The following VPS13D variants were observed in gnomAD, a reference collection of about 807,000 sequenced individuals.
VPS13D encodes intermembrane lipid transfer protein VPS13D.
Under a neutral mutation model 461.9 loss-of-function variants are expected in VPS13D, and 187 were observed. The ratio of observed to expected loss-of-function variants is 0.40; its 90% CI spans 0.36 to 0.46. The LOEUF (loss-of-function observed/expected upper bound fraction) is 0.46. VPS13D is among the 20% of genes least tolerant of loss of function. The pLI is 0.60. For synonymous variants in VPS13D, 1,951 were observed against 1,986.3 expected, an observed-to-expected ratio of 0.98 and a Z score of 0.47; for missense variants, 4,711 against 5,364.9, an observed-to-expected ratio of 0.88 and a Z score of 3.81.
At chr1:12,412,396 T>C (rs933132147) in intron 63 of VPS13D, among the ~76,000 whole-genome samples, 1 of 152,202 alleles carries the variant, frequency 6.6e-6, no homozygotes, top group African/African-American at 2.4e-5. Context: ...CTTACACTAT[T>C]CGATTTCAGA....
chr1:12,421,636 A>T (rs1644864496), intron 65 of VPS13D, among the ~76,000 whole-genome samples: 2 of 152,238 alleles, frequency 1.3e-5, no homozygotes, highest in Non-Finnish European at 2.9e-5. Flanking sequence ...ACAAAATCTC[A>T]GATATTAACA....
Position 12,299,199 on chromosome 1 carries a change from C to A in VPS13D, c.6034-3C>A, listed in dbSNP as rs758999826. 3 of 1,563,336 alleles carry A rather than the reference C, an allele frequency of 1.9e-6. No individual in the cohort carries two copies. Among genetic ancestry groups the A allele is most frequent in the South Asian group, 2.4e-5 (2 of 81,996 alleles). ...TCTGAGTCAGTTTTCCTTCCTCTTT[C>A]AGGTGAGAGATCAAGCCCAGCGCTG... On this transcript the variant is annotated splice_region_variant and splice_polypyrimidine_tract_variant and intron_variant, in intron 24 of 69. Transcript: ENST00000620676. The surrounding 1 kb of genome is among the most constrained non-coding windows in gnomAD (Gnocchi z 4.2).
chr1:12,266,534 T>C (rs187261480), intron 13 of VPS13D, among the ~76,000 whole-genome samples: 2 of 152,342 alleles, frequency 1.3e-5, no homozygotes, highest in African/African-American at 4.8e-5. Context: ...AGCAATAAAA[T>C]ATTTTAAAAT....
intron 65 of VPS13D, among the ~76,000 whole-genome samples, chr1:12,454,113 T>A (rs914660323): frequency 6.6e-6 from 1 of 152,146 alleles, no homozygotes; most frequent in South Asian, 2.1e-4. Context: ...CCCGAGCCAT[T>A]GTCATGAATG....
Position 12,495,149 on chromosome 1 carries a change from CTT to C in VPS13D, c.12663-2334_12663-2333del, listed in dbSNP as rs768628311. ...AGATGACTGACTTGATGTAACTTAC[CTT>C]TTTTTTTTTTTTTTTTGAGACAGAG... On this transcript the variant is annotated intron_variant, in intron 67 of 69. Transcript: ENST00000620676. The surrounding 1 kb of genome is among the most constrained non-coding windows in gnomAD (Gnocchi z 4.0). Among the ~76,000 whole-genome samples, 28 of 138,634 alleles carry C rather than the reference CTT, an allele frequency of 2.0e-4. No individual in the cohort carries two copies. The highest frequency in any genetic ancestry group is 5.0e-4 in the Admixed American group (7 of 13,868). The allele number at this position is 138,634 out of a possible 152,430, so 90.9% of individuals were successfully genotyped here.
chr1:12,267,630 T>C (rs1381228904), intron 14 of VPS13D, among the ~76,000 whole-genome samples: 6 of 152,172 alleles, frequency 3.9e-5, no homozygotes, highest in Admixed American at 2.0e-4. Flanking sequence ...GAGTGCAAAG[T>C]AGCATATTGT....
intron 65 of VPS13D, among the ~76,000 whole-genome samples, chr1:12,429,388 G>A (rs1644964888): frequency 2.6e-5 from 4 of 151,962 alleles, no homozygotes; most frequent in Admixed American, 1.3e-4. Flanking sequence ...TGCCGCCTAG[G>A]TTCAAGTGAT....
chr1:12,253,439 A>G (rs183631002), intron 6 of VPS13D, among the ~76,000 whole-genome samples: 1 of 152,128 alleles, frequency 6.6e-6, no homozygotes, highest in Non-Finnish European at 1.5e-5. Flanking sequence ...ATATCTTTCG[A>G]CACTCATTTG....
At chr1:12,389,363 A>G (rs186283595) in intron 60 of VPS13D, among the ~76,000 whole-genome samples, 1 of 152,244 alleles carries the variant, frequency 6.6e-6, no homozygotes, top group African/African-American at 2.4e-5. Flanking sequence ...TCACAAGTCC[A>G]CCCTTTGTCA....
rs58476786 is a variant in VPS13D, at chr1:12,395,996, GATATATATATATATAT to G, written c.11635-4167_11635-4152del. Among the ~76,000 whole-genome samples the G allele has an allele frequency of 1.3e-3, 96 of 73,770 alleles. 9 individuals are homozygous for G. Among genetic ancestry groups the G allele is most frequent in the Admixed American group, 4.2e-3 (24 of 5,730 alleles). 48.4% of individuals were successfully genotyped at this position (73,770 alleles called of 152,430 possible). On this transcript the variant is annotated intron_variant, in intron 60 of 69. Coordinates refer to ENST00000620676, the MANE Select transcript of VPS13D (RefSeq NM_015378.4). ...TCTTAGAGGGATAGAACTAATAGGAGATATATATATATATATATATATATATATATATAGTTCTTTA... is the reference window on the plus strand; with the variant it reads ...TCTTAGAGGGATAGAACTAATAGGAGATATATATATATATATAGTTCTTTA...
chr1:12,428,777 T>G (rs957141864), intron 65 of VPS13D, among the ~76,000 whole-genome samples: 5 of 152,216 alleles, frequency 3.3e-5, no homozygotes, highest in Non-Finnish European at 7.3e-5. Flanking sequence ...CCGTCAACAT[T>G]TCTCACATCA....
intron 10 of VPS13D, among the ~76,000 whole-genome samples, chr1:12,259,563 CA>C (rs1445664563): frequency 1.3e-5 from 2 of 152,146 alleles, no homozygotes; most frequent in Non-Finnish European, 2.9e-5. Context: ...TTTGGCCTCC[CA>C]AAGTGCTGGG....
chr1:12,257,079 ATCTAAGAAGTAAGGGCT>A lies in VPS13D; in HGVS notation c.937_941+12del. 6.2e-7 allele frequency: 1 copy of A among 1,614,118 alleles called. No individual in the cohort carries two copies. The highest frequency in any genetic ancestry group is 8.5e-7 in the Non-Finnish European group (1 of 1,179,956). Reference sequence around the variant, plus strand: ...GAAGGTGGAAACCCAAGGTGGCGATATCTAAGAAGTAAGGGCTTCTCAGTGTGGTCATGAAATTCATG... The same window carrying A: ...GAAGGTGGAAACCCAAGGTGGCGATATCTCAGTGTGGTCATGAAATTCATG... On this transcript the variant is annotated splice_donor_variant and splice_donor_5th_base_variant and coding_sequence_variant and intron_variant, in exon 9 of 70. Coordinates refer to ENST00000620676, the MANE Select transcript of VPS13D (RefSeq NM_015378.4). LOFTEE classifies it high-confidence loss of function.
At chr1:12,288,488 A>G (rs764522125) in intron 22 of VPS13D, among the ~76,000 whole-genome samples, 175 bp downstream of exon 22, 1 of 152,148 alleles carries the variant, frequency 6.6e-6, no homozygotes, top group Non-Finnish European at 1.5e-5. Context: ...CTTATGGATC[A>G]GAATCATCTG....
intron 46 of VPS13D, among the ~76,000 whole-genome samples, chr1:12,352,832 G>T (rs1428205929): frequency 6.6e-6 from 1 of 151,846 alleles, no homozygotes; most frequent in South Asian, 2.1e-4. Flanking sequence ...AGACATGGTG[G>T]TGCACTCCTG....
At chr1:12,428,520 T>C (rs1023232176) in intron 65 of VPS13D, among the ~76,000 whole-genome samples, 15 of 152,228 alleles carry the variant, frequency 9.9e-5, no homozygotes. Flanking sequence ...GAGAGTGGAC[T>C]GTGCGCCATT....
At chr1:12,301,007 G>T (rs144650959) in intron 25 of VPS13D, among the ~76,000 whole-genome samples, 1 of 152,166 alleles carries the variant, frequency 6.6e-6, no homozygotes, top group Non-Finnish European at 1.5e-5. Context: ...AGCTAATAAC[G>T]TAGGGAGAGA....
intron 44 of VPS13D, among the ~76,000 whole-genome samples, chr1:12,348,316 A>G (rs1643720290): frequency 6.6e-6 from 1 of 152,236 alleles, no homozygotes; most frequent in Non-Finnish European, 1.5e-5. Flanking sequence ...AATGTTTTGC[A>G]AAGTCCTACC....
chr1:12,371,324 G>C (rs1207401547), intron 54 of VPS13D, among the ~76,000 whole-genome samples: 1 of 151,796 alleles, frequency 6.6e-6, no homozygotes, highest in Admixed American at 6.6e-5. Flanking sequence ...TTTTTGTCTG[G>C]ATTCTTTCAC....
Sources: gnomAD v4.1 joint callset for allele counts (sites outside exome capture counted in the v4.1 genomes callset) on GRCh38, gnomAD v4.1.1 for gene constraint, Gnocchi (gnomAD v3.1) non-coding constraint, MANE v1.5 for transcripts, NCBI Gene and HGNC (gene_info 2026-07-23, HGNC 2026-07-21) for gene names.